The following HOOK3 variants were observed in gnomAD, a reference collection of about 807,000 sequenced individuals.
The protein encoded by HOOK3 is protein Hook homolog 3.
A neutral mutation model predicts 116.3 loss-of-function variants in HOOK3; 24 were observed. The ratio of observed to expected loss-of-function variants is 0.21; its 90% confidence interval spans 0.15 to 0.29. The LOEUF (loss-of-function observed/expected upper bound fraction) is 0.29. HOOK3 is among the 10% of genes least tolerant of loss of function. HOOK3 has a pLI of 1.00. For missense variants in HOOK3, 632 were observed against 830.2 expected, an observed-to-expected ratio of 0.76 and a Z score of 2.93; for synonymous variants, 275 against 283.0, an observed-to-expected ratio of 0.97 and a Z score of 0.28.
chr8:42,947,596 C>A (rs1436909560), intron 5 of HOOK3, among the ~76,000 whole-genome samples: 1 of 152,212 alleles, frequency 6.6e-6, no homozygotes, highest in Non-Finnish European at 1.5e-5. Context: ...AAAATTTTAA[C>A]ATCTCATTTG....
chr8:42,970,780 G>GTTTTTTT (rs1299118892), intron 11 of HOOK3, among the ~76,000 whole-genome samples: 7 of 127,918 alleles, frequency 5.5e-5, no homozygotes, highest in African/African-American at 2.4e-4. Context: ...AGGAATTTGG[G>GTTTTTTT]TCTTTTTTTT....
chr8:42,963,891 AGATT>A (rs1462009685), intron 8 of HOOK3, among the ~76,000 whole-genome samples: 2 of 152,146 alleles, frequency 1.3e-5, no homozygotes, highest in Admixed American at 6.5e-5. Flanking sequence ...TTTTAAGTAG[AGATT>A]GATTGTACTT....
intron 13 of HOOK3, among the ~76,000 whole-genome samples, chr8:42,981,719 A>G (rs530112436): frequency 2.0e-5 from 3 of 147,240 alleles, no homozygotes; most frequent in South Asian, 4.3e-4. Flanking sequence ...CCCCATCTCT[A>G]CTACAAATGC....
intron 8 of HOOK3, 44 bp from the exon 9 acceptor site, chr8:42,964,267 G>A (rs778808508): frequency 1.3e-6 from 2 of 1,585,754 alleles, no homozygotes; most frequent in East Asian, 2.2e-5. Context: ...GCTGATGCCA[G>A]TGTAGTTGGA....
chr8:42,958,479 C>T (rs946723038), intron 7 of HOOK3, among the ~76,000 whole-genome samples: 3 of 151,370 alleles, frequency 2.0e-5, no homozygotes, highest in African/African-American at 4.9e-5. Flanking sequence ...AATTTTTTAA[C>T]GGTGCTGTAC....
chr8:43,022,853 A>G lies in HOOK3; in HGVS notation c.*4355A>G, dbSNP rs1809854580. On this transcript the variant is annotated 3_prime_UTR_variant, in exon 22 of 22. Transcript: ENST00000307602. ...CTGTCTGTAATTTTGTTGAGGTTTT[A>G]TTGTTAATATAATAAAAGCTCAACT... 1 of 172,600 alleles carries G rather than the reference A, an allele frequency of 5.8e-6. No homozygotes were observed. 10.7% of individuals were successfully genotyped at this position (172,600 alleles called of 1,614,324 possible). A position where few individuals can be genotyped will look rare whatever the true frequency, so the allele number is the denominator to read the frequency against.
chr8:42,911,399 C>T (rs755053547), intron 2 of HOOK3, among the ~76,000 whole-genome samples: 9 of 151,942 alleles, frequency 5.9e-5, no homozygotes, highest in Non-Finnish European at 1.0e-4. Context: ...TGCAGTGAGC[C>T]GAGATTGTGC....
At chr8:42,971,652 T>A (rs1357917527) in intron 11 of HOOK3, among the ~76,000 whole-genome samples, 2 of 152,122 alleles carry the variant, frequency 1.3e-5, no homozygotes, top group Admixed American at 6.5e-5. Context: ...TTTGATGGTC[T>A]CTTACTCCTT....
intron 4 of HOOK3, among the ~76,000 whole-genome samples, chr8:42,930,480 C>G (rs1807852464): frequency 1.3e-5 from 2 of 151,926 alleles, no homozygotes; most frequent in African/African-American, 4.8e-5. Flanking sequence ...GTTCATGCAC[C>G]ATTGTCTACT....
intron 2 of HOOK3, among the ~76,000 whole-genome samples, chr8:42,923,333 T>G (rs549297794): frequency 2.0e-5 from 3 of 152,138 alleles, no homozygotes; most frequent in African/African-American, 4.8e-5. Flanking sequence ...TATACCCAAA[T>G]GAAACAAATG....
chr8:42,964,548 C>T, intron 9 of HOOK3, 74 bp downstream of exon 9: 1 of 1,371,082 alleles, frequency 7.3e-7, no homozygotes, highest in Non-Finnish European at 1.0e-6. Flanking sequence ...GTATATTGGC[C>T]AGGCACATTG....
intron 7 of HOOK3, among the ~76,000 whole-genome samples, chr8:42,957,826 CT>C (rs11383704): frequency 2.4e-3 from 320 of 135,222 alleles, no homozygotes; most frequent in Admixed American, 2.3e-3. Context: ...ATATCTCTTC[CT>C]TTTTTTTTTT....
chr8:42,944,454 C>T (rs1027162355), intron 5 of HOOK3, among the ~76,000 whole-genome samples: 2 of 152,062 alleles, frequency 1.3e-5, no homozygotes, highest in African/African-American at 4.8e-5. Flanking sequence ...TTTGTAGTAA[C>T]ATACTCTGGC....
chr8:42,940,646 G>A (rs1808095915), intron 4 of HOOK3, among the ~76,000 whole-genome samples: 1 of 152,278 alleles, frequency 6.6e-6, no homozygotes, highest in East Asian at 1.9e-4. Context: ...TTCCCTTTGT[G>A]GGCAACCCGA....
intron 6 of HOOK3, 71 bp from the exon 7 acceptor site, chr8:42,957,023 C>T (rs1586609043): frequency 7.9e-6 from 6 of 757,242 alleles, no homozygotes; most frequent in East Asian, 5.5e-5. Flanking sequence ...TATTCATTTT[C>T]TTATGTTAAG....
intron 1 of HOOK3, among the ~76,000 whole-genome samples, chr8:42,904,246 C>G (rs1299047515): frequency 6.6e-6 from 1 of 151,328 alleles, no homozygotes; most frequent in African/African-American, 2.4e-5. Context: ...TAAACCTACT[C>G]AAATGGGTCT....
intron 5 of HOOK3, 136 bp downstream of exon 5, chr8:42,943,581 A>G (rs1808169546): frequency 2.1e-6 from 1 of 469,402 alleles, no homozygotes; most frequent in Non-Finnish European, 3.4e-6. Context: ...CATTTTCTAC[A>G]GTTTTACTAG....
At chr8:42,959,458 C>G in intron 8 of HOOK3, 144 bp downstream of exon 8, 2 of 555,510 alleles carry the variant, frequency 3.6e-6, no homozygotes, top group Non-Finnish European at 6.3e-6. Flanking sequence ...GTGGCTCACA[C>G]CTGTAATCCC....
chr8:43,004,991 C>A (rs1448348217), intron 17 of HOOK3, among the ~76,000 whole-genome samples: 1 of 151,574 alleles, frequency 6.6e-6, no homozygotes, highest in Non-Finnish European at 1.5e-5. Flanking sequence ...CAAATGTTCA[C>A]CAATTGGAAA....
Sources: gnomAD v4.1 joint callset for allele counts (sites outside exome capture counted in the v4.1 genomes callset) on GRCh38, gnomAD v4.1.1 for gene constraint, MANE v1.5 for transcripts, NCBI Gene and HGNC (gene_info 2026-07-23, HGNC 2026-07-21) for gene names.